Variants in RFTN1 observed in about 807,000 individuals in gnomAD.
RFTN1 encodes the protein raftlin.
RFTN1 carries 26 observed loss-of-function variants against 46.5 expected under a neutral mutation model. That is an observed-to-expected ratio of 0.56 (90% CI 0.41 to 0.78). RFTN1 has a LOEUF of 0.78. Ranked by LOEUF, RFTN1 falls within the 30% of genes least tolerant of loss-of-function variation. RFTN1 has a pLI of 0.00. For synonymous variants in RFTN1, 261 were observed against 284.2 expected, an observed-to-expected ratio of 0.92 and a Z score of 0.82; for missense variants, 693 against 718.7, an observed-to-expected ratio of 0.96 and a Z score of 0.41.
chr3:16,452,360 C>T lies in RFTN1; in HGVS notation c.146-18323G>A, dbSNP rs977804158. 2.0e-5 allele frequency among the ~76,000 whole-genome samples: 3 copies of T among 152,170 alleles called. No individual in the cohort carries two copies. Among genetic ancestry groups the T allele is most frequent in the African/African-American group, 7.2e-5 (3 of 41,436 alleles). On this transcript the variant is annotated intron_variant, in intron 2 of 9. Transcript: ENST00000334133. The surrounding 1 kb of genome is among the most constrained non-coding windows in gnomAD (Gnocchi z 6.3). Reference sequence around the variant, plus strand: ...AGTAATTTTAAAATGTGCGGGGTTACATTCAGATACCTTTGTAAACATCTA... The same window carrying T: ...AGTAATTTTAAAATGTGCGGGGTTATATTCAGATACCTTTGTAAACATCTA...
rs537876699 is a variant in RFTN1, at chr3:16,420,757, T to A, written c.333-11274A>T. Among the ~76,000 whole-genome samples, 439 of 152,352 alleles carry A rather than the reference T, an allele frequency of 2.9e-3. 9 individuals are homozygous for A. The highest frequency in any genetic ancestry group is 1.1e-3 in the Non-Finnish European group (76 of 68,040). On this transcript the variant is annotated intron_variant, in intron 3 of 9. Transcript: ENST00000334133. The stretch of plus-strand genomic sequence containing the variant: ...TTTTATTCTTACTTAATTTTAACAA[T>A]TTAAATGGCTATACATGGCTAATGG...
intron 4 of RFTN1, among the ~76,000 whole-genome samples, chr3:16,397,829 T>C (rs1294511675): frequency 6.6e-6 from 1 of 151,960 alleles, no homozygotes; most frequent in Non-Finnish European, 1.5e-5. Flanking sequence ...CCTTGAAAAA[T>C]AGAGCGGTAT....
chr3:16,396,177 T>A (rs929865405), intron 4 of RFTN1, among the ~76,000 whole-genome samples: 9 of 152,116 alleles, frequency 5.9e-5, no homozygotes, highest in African/African-American at 2.2e-4. Context: ...AAGACTGATA[T>A]TTGAAGATCT....
At chr3:16,456,940 A>G (rs369259950) in intron 2 of RFTN1, among the ~76,000 whole-genome samples, 19 of 152,256 alleles carry the variant, frequency 1.2e-4, no homozygotes, top group African/African-American at 4.1e-4. Context: ...AGAGAGGTCA[A>G]CTCTTTCAAG....
intron 3 of RFTN1, among the ~76,000 whole-genome samples, chr3:16,412,311 G>GA (rs1329458206): frequency 4.6e-5 from 7 of 152,192 alleles, no homozygotes; most frequent in South Asian, 2.1e-4. Flanking sequence ...GAGGAAGGGG[G>GA]AAAAATCCCT....
intron 1 of RFTN1, 39 bp from the exon 2 acceptor site, chr3:16,493,916 T>C (rs776837549): frequency 6.2e-7 from 1 of 1,611,094 alleles, no homozygotes; most frequent in Non-Finnish European, 8.5e-7. Flanking sequence ...GTGATTTTTT[T>C]CTGAGATTTT....
At chr3:16,488,578 G>T (rs545061433) in intron 2 of RFTN1, among the ~76,000 whole-genome samples, 2 of 152,330 alleles carry the variant, frequency 1.3e-5, no homozygotes, top group East Asian at 3.9e-4. Flanking sequence ...TATGGAAGAG[G>T]AATCTTCTTA....
chr3:16,362,744 G>C (rs1349002679), intron 6 of RFTN1, among the ~76,000 whole-genome samples: 1 of 152,196 alleles, frequency 6.6e-6, no homozygotes, highest in African/African-American at 2.4e-5. Flanking sequence ...CCTGCCATGT[G>C]CTTTCAGTAC....
chr3:16,324,175 G>A (rs1327212953), intron 8 of RFTN1, among the ~76,000 whole-genome samples: 2 of 151,902 alleles, frequency 1.3e-5, no homozygotes, highest in East Asian at 1.9e-4. Flanking sequence ...AATAATAATT[G>A]TATATTTATG....
chr3:16,456,774 G>A (rs1285219138), intron 2 of RFTN1, among the ~76,000 whole-genome samples: 1 of 151,922 alleles, frequency 6.6e-6, no homozygotes, highest in Non-Finnish European at 1.5e-5. Context: ...TCCATTGCAC[G>A]CTTGTCAAAG....
At chr3:16,478,176 G>A (rs2076313387) in intron 2 of RFTN1, among the ~76,000 whole-genome samples, 1 of 152,180 alleles carries the variant, frequency 6.6e-6, no homozygotes, top group South Asian at 2.1e-4. Flanking sequence ...TCCTGGGGGA[G>A]TTTAAGTGAC....
chr3:16,377,824 G>A lies in RFTN1; in HGVS notation c.720C>T (p.Pro240=). The A allele has an allele frequency of 2.5e-6, 4 of 1,614,212 alleles. No homozygotes were observed. The highest frequency in any genetic ancestry group is 3.4e-6 in the Non-Finnish European group (4 of 1,180,042). ...GTTCTCCACCATCTCCCTCTCCGGAGGGTGAGCTGGGCTGCTTGGCGAGGG... is the reference window on the plus strand; with the variant it reads ...GTTCTCCACCATCTCCCTCTCCGGAAGGTGAGCTGGGCTGCTTGGCGAGGG... ...EVPLAKQPSS[P]SGEGDGGELS... The change falls in exon 5 of 10, where the codon CCC becomes CCT. Residue 240 remains proline (P), a synonymous_variant. Transcript: ENST00000334133.
chr3:16,431,045 A>C (rs1206288171), intron 3 of RFTN1, among the ~76,000 whole-genome samples: 1 of 152,202 alleles, frequency 6.6e-6, no homozygotes, highest in African/African-American at 2.4e-5. Flanking sequence ...CAGATAACTT[A>C]GAGTTTGGTG....
intron 4 of RFTN1, among the ~76,000 whole-genome samples, chr3:16,386,419 C>T (rs1344100755): frequency 6.6e-6 from 1 of 152,180 alleles, no homozygotes; most frequent in Non-Finnish European, 1.5e-5. Flanking sequence ...TTTTTCATCC[C>T]TATCTTACAG....
At chr3:16,411,519 A>T (rs951266331) in intron 3 of RFTN1, among the ~76,000 whole-genome samples, 2 of 152,222 alleles carry the variant, frequency 1.3e-5, no homozygotes, top group African/African-American at 4.8e-5. Flanking sequence ...ACTGATTTCA[A>T]TCTGGAACAA....
Position 16,429,215 on chromosome 3 carries a change from A to G in RFTN1, c.332+4636T>C, listed in dbSNP as rs1020639602. On this transcript the variant is annotated intron_variant, in intron 3 of 9. Transcript: ENST00000334133. This position sits in a 1 kb window ranked among gnomAD's most constrained non-coding sequence, Gnocchi z 6.4. ...AATTTTCAGAAGAAAAGATCAGGTA[A>G]TTTTTCAGGGATGTAAGTGAAATCT... 6.6e-6 allele frequency among the ~76,000 whole-genome samples: 1 copy of G among 152,192 alleles called. No individual in the cohort carries two copies. Among genetic ancestry groups the G allele is most frequent in the African/African-American group, 2.4e-5 (1 of 41,444 alleles).
intron 7 of RFTN1, among the ~76,000 whole-genome samples, chr3:16,355,956 C>T (rs115143606): frequency 6.6e-6 from 1 of 152,362 alleles, no homozygotes; most frequent in Non-Finnish European, 1.5e-5. Flanking sequence ...CCATGGCCTG[C>T]CAATCACTCG....
chr3:16,361,056 G>A lies in RFTN1; in HGVS notation c.1031-3009C>T, dbSNP rs1293707486. Among the ~76,000 whole-genome samples, 1 of 152,208 alleles carries A rather than the reference G, an allele frequency of 6.6e-6. No homozygotes were observed. The highest frequency in any genetic ancestry group is 2.4e-5 in the African/African-American group (1 of 41,448). On this transcript the variant is annotated intron_variant, in intron 6 of 9. Transcript: ENST00000334133. The surrounding 1 kb of genome is among the most constrained non-coding windows in gnomAD (Gnocchi z 4.3). ...ACAAGTTAATACAGGTATAACACAAGTAAATGGACAACACAAATGACAAAG... is the reference window on the plus strand; with the variant it reads ...ACAAGTTAATACAGGTATAACACAAATAAATGGACAACACAAATGACAAAG...
chr3:16,320,131 T>G lies in RFTN1; in HGVS notation c.1333-2899A>C, dbSNP rs1162252568. Among the ~76,000 whole-genome samples the G allele has an allele frequency of 6.6e-6, 1 of 152,222 alleles. No homozygotes were observed. The highest frequency in any genetic ancestry group is 1.5e-5 in the Non-Finnish European group (1 of 68,040). On this transcript the variant is annotated intron_variant, in intron 9 of 9. Transcript: ENST00000334133. This position sits in a 1 kb window ranked among gnomAD's most constrained non-coding sequence, Gnocchi z 4.5. Reference sequence around the variant, plus strand: ...TGTCAGCAGGAGCCAATGGATTTAATTTGCACATTTTAAAAACTGCCCATG... The same window carrying G: ...TGTCAGCAGGAGCCAATGGATTTAAGTTGCACATTTTAAAAACTGCCCATG...
Sources: gnomAD v4.1 joint callset for allele counts (sites outside exome capture counted in the v4.1 genomes callset) on GRCh38, gnomAD v4.1.1 for gene constraint, Gnocchi (gnomAD v3.1) non-coding constraint, MANE v1.5 for transcripts, NCBI Gene and HGNC (gene_info 2026-07-23, HGNC 2026-07-21) for gene names.